CHRM3: variants seen among roughly 807,000 people sequenced by gnomAD.
The protein encoded by CHRM3 is cholinergic receptor muscarinic 3, also known as muscarinic acetylcholine receptor M3.
In CHRM3, 11 loss-of-function variants were observed where a neutral mutation model predicts 41.8. That is an observed-to-expected ratio of 0.26 (90% CI 0.17 to 0.44). CHRM3 has a LOEUF of 0.44. Ranked by LOEUF, CHRM3 falls within the 20% of genes least tolerant of loss-of-function variation. The probability of loss-of-function intolerance (pLI) is 1.00; values close to 1 mark genes in which losing one functional copy is unlikely to be tolerated. For missense variants in CHRM3, 571 were observed against 745.4 expected (o/e 0.77, Z 2.72); for synonymous variants, 297 against 301.4 (o/e 0.99, Z 0.15).
chr1:239,774,963 G>A (rs987917179), intron 5 of CHRM3, among the ~76,000 whole-genome samples: 1 of 152,034 alleles, frequency 6.6e-6, no homozygotes, highest in African/African-American at 2.4e-5. Context: ...ATAGGAGAGT[G>A]AATCAAACTC....
At position 239,908,468 on chromosome 1, in the gene CHRM3, CAAT is replaced by C. The variant is rs1269426350; in HGVS notation, c.1018_1020del (p.Asn340del). On this transcript the variant is annotated inframe_deletion, in exon 7 of 7. Coordinates refer to ENST00000676153, the MANE Select transcript of CHRM3 (RefSeq NM_001375978.1). The surrounding 1 kb of genome is among the most constrained non-coding windows in gnomAD (Gnocchi z 7.2). ...ACAGCAGCAGTGACAGTTGGAACAA[CAAT>C]GATGCTGCTGCCTCCCTGGAGAACT... 6.2e-6 allele frequency: 10 copies of C among 1,612,112 alleles called. No homozygotes were observed. In the Admixed American group the frequency reaches 1.5e-4, roughly 24 times the overall value.
chr1:239,672,897 G>C (rs941431417), intron 4 of CHRM3, among the ~76,000 whole-genome samples: 3 of 152,034 alleles, frequency 2.0e-5, no homozygotes, highest in Non-Finnish European at 4.4e-5. Flanking sequence ...ATGTCTAAAA[G>C]ACACGAGATT....
intron 5 of CHRM3, among the ~76,000 whole-genome samples, chr1:239,801,246 C>T (rs965030843): frequency 6.6e-6 from 1 of 152,126 alleles, no homozygotes; most frequent in Non-Finnish European, 1.5e-5. Context: ...AGAGCAGTGG[C>T]GTAGTTTACC....
At chr1:239,804,576 G>C (rs1670480130) in intron 5 of CHRM3, among the ~76,000 whole-genome samples, 1 of 152,100 alleles carries the variant, frequency 6.6e-6, no homozygotes. Flanking sequence ...AAGAGAGTTT[G>C]TTTTTGCAGT....
In CHRM3 at chr1:239,907,539, C is replaced by T. The variant is rs1373304904; in HGVS notation, c.88C>T (p.Pro30Ser). 3.1e-6 allele frequency: 5 copies of T among 1,614,032 alleles called. No individual in the cohort carries two copies. Among genetic ancestry groups the T allele is most frequent in the Non-Finnish European group, 3.4e-6 (4 of 1,180,020 alleles). The part of the protein sequence containing the change: ...WIHSPSDAGL[P>S]PGTVTHFGSY... ...ACACAGCCCCTCCGATGCAGGGCTG[C>T]CCCCGGGAACCGTCACTCATTTCGG... Residue 30 changes from proline to serine, a missense_variant, in exon 7 of 7, where the codon CCC becomes TCC. Pro to Ser is a moderately conservative substitution (Grantham distance 74). Transcript: ENST00000676153. This position sits in a 1 kb window ranked among gnomAD's most constrained non-coding sequence, Gnocchi z 5.4.
At chr1:239,875,808 C>T (rs1336791594) in intron 6 of CHRM3, among the ~76,000 whole-genome samples, 3 of 152,160 alleles carry the variant, frequency 2.0e-5, no homozygotes, top group Non-Finnish European at 4.4e-5. Flanking sequence ...CATAATGTTT[C>T]CTGTGGTCTC....
At chr1:239,711,507 TAATA>T (rs1033578386) in intron 5 of CHRM3, among the ~76,000 whole-genome samples, 2 of 151,910 alleles carry the variant, frequency 1.3e-5, no homozygotes, top group Non-Finnish European at 2.9e-5. Context: ...TAGTAAGAAA[TAATA>T]AATTATTGTT....
intron 5 of CHRM3, among the ~76,000 whole-genome samples, chr1:239,788,705 G>A (rs561322552): frequency 1.3e-5 from 2 of 152,002 alleles, no homozygotes; most frequent in Non-Finnish European, 2.9e-5. Flanking sequence ...GGCAGAGGTT[G>A]CAGTGAGCTG....
chr1:239,611,326 G>C (rs1186589692), intron 3 of CHRM3, among the ~76,000 whole-genome samples: 1 of 151,216 alleles, frequency 6.6e-6, no homozygotes, highest in Non-Finnish European at 1.5e-5. Context: ...ACTCTGATAT[G>C]CTCATTTTTA....
chr1:239,584,108 C>CT (rs769127124), intron 3 of CHRM3, among the ~76,000 whole-genome samples: 10,289 of 124,412 alleles, frequency 0.083, 625 homozygotes, highest in African/African-American at 0.14. Flanking sequence ...TCTTCTTCTT[C>CT]TTTTTTTTTT....
At chr1:239,506,084 A>G (rs942304371) in intron 2 of CHRM3, among the ~76,000 whole-genome samples, 2 of 152,194 alleles carry the variant, frequency 1.3e-5, no homozygotes, top group Admixed American at 6.5e-5. Context: ...GTTTTATAAA[A>G]GAAACAGAGC....
At chr1:239,577,308 T>C (rs1283507142) in intron 3 of CHRM3, among the ~76,000 whole-genome samples, 1 of 152,182 alleles carries the variant, frequency 6.6e-6, no homozygotes, top group Non-Finnish European at 1.5e-5. Flanking sequence ...ATGACACATA[T>C]CCTTTTAATT....
chr1:239,571,288 A>C (rs886932145), intron 3 of CHRM3, among the ~76,000 whole-genome samples: 40 of 152,210 alleles, frequency 2.6e-4, no homozygotes, highest in African/African-American at 9.4e-4. Context: ...CACCCAAGTT[A>C]GTGCAGAGAA....
intron 5 of CHRM3, among the ~76,000 whole-genome samples, chr1:239,693,365 C>T (rs1405688016): frequency 6.6e-6 from 1 of 152,092 alleles, no homozygotes; most frequent in Non-Finnish European, 1.5e-5. Context: ...TAGGATCTCT[C>T]TCTCTCTCTC....
intron 1 of CHRM3, among the ~76,000 whole-genome samples, chr1:239,434,359 CT>C (rs1456260036): frequency 6.6e-6 from 1 of 152,168 alleles, no homozygotes; most frequent in Non-Finnish European, 1.5e-5. Context: ...CTTTGTTTAG[CT>C]AATTCCTACA....
intron 4 of CHRM3, among the ~76,000 whole-genome samples, chr1:239,669,093 A>G (rs1674103608): frequency 6.6e-6 from 1 of 152,078 alleles, no homozygotes; most frequent in Admixed American, 6.5e-5. Context: ...GAGCCTGTTG[A>G]TCCTTGGTGC....
At chr1:239,736,350 T>TA (rs1291672764) in intron 5 of CHRM3, among the ~76,000 whole-genome samples, 1 of 151,782 alleles carries the variant, frequency 6.6e-6, no homozygotes, top group Non-Finnish European at 1.5e-5. Context: ...TATTATTAGC[T>TA]AAAAAACAAG....
chr1:239,620,748 T>C (rs2148812382), intron 3 of CHRM3, among the ~76,000 whole-genome samples: 1 of 152,184 alleles, frequency 6.6e-6, no homozygotes, highest in East Asian at 1.9e-4. Context: ...CAACCATAAT[T>C]CTATAAATAG....
At chr1:239,389,782 T>G (rs1658860827) in intron 1 of CHRM3, among the ~76,000 whole-genome samples, 1 of 152,242 alleles carries the variant, frequency 6.6e-6, no homozygotes, top group Admixed American at 6.5e-5. Context: ...TCTTGCCTAA[T>G]AACTTTGTTA....
Sources: gnomAD v4.1 joint callset for allele counts (sites outside exome capture counted in the v4.1 genomes callset) on GRCh38, gnomAD v4.1.1 for gene constraint, Gnocchi (gnomAD v3.1) non-coding constraint, MANE v1.5 for transcripts, NCBI Gene and HGNC (gene_info 2026-07-23, HGNC 2026-07-21) for gene names.